The following TM2D2 variants were observed in gnomAD, a reference collection of about 807,000 sequenced individuals.
TM2D2 encodes the protein TM2 domain containing 2.
Under a neutral mutation model 23.0 loss-of-function variants are expected in TM2D2, and 19 were observed. That is an observed-to-expected ratio of 0.82 (90% CI 0.58 to 1.21). The LOEUF is 1.21. Ranked by LOEUF, TM2D2 falls within the 50% of genes most tolerant of loss-of-function variation. TM2D2 has a pLI of 0.00. For synonymous variants in TM2D2, 120 were observed against 108.8 expected (o/e 1.10, Z -0.64); for missense variants, 246 against 265.4 (o/e 0.93, Z 0.51).
At chr8:38,993,511 A>G in intron 3 of TM2D2, 34 bp downstream of exon 3, 1 of 1,514,752 alleles carries the variant, frequency 6.6e-7, no homozygotes, top group South Asian at 1.1e-5. Flanking sequence ...ACCTCCAACC[A>G]AGTACCAACT....
rs939223023 is a variant in TM2D2, at chr8:38,995,679, G to A, written c.228-274C>T. 9.0e-6 allele frequency: 12 copies of A among 1,327,084 alleles called. No homozygotes were observed. In the East Asian group the frequency reaches 3.7e-4, roughly 41 times the overall value. 82.2% of individuals were successfully genotyped at this position (1,327,084 alleles called of 1,614,324 possible). ...TGCCATGGTTTCATCTCTTCAGTAG[G>A]CAAACAACAAGATTCTGGGGGCAAA... On this transcript the variant is annotated intron_variant, in intron 1 of 3. Coordinates refer to ENST00000456397, the MANE Select transcript of TM2D2 (RefSeq NM_078473.3).
At chr8:38,991,636 T>C (rs1835604365) in intron 3 of TM2D2, 91 bp from the exon 4 acceptor site, 4 of 942,814 alleles carry the variant, frequency 4.2e-6, no homozygotes, top group Non-Finnish European at 5.0e-6. Flanking sequence ...GATGAGACAG[T>C]GCAGTGGACC....
chr8:38,993,859 T>A (rs1835677842), intron 2 of TM2D2, 199 bp from the exon 3 acceptor site: 4 of 379,570 alleles, frequency 1.1e-5, no homozygotes, highest in Non-Finnish European at 1.9e-5. Context: ...CTGTCTTAAA[T>A]AAACTCCTGC....
At chr8:38,996,705 T>A, upstream of TM2D2, 1 of 1,420,616 alleles carries the variant, frequency 7.0e-7, no homozygotes, top group Non-Finnish European at 9.2e-7. Flanking sequence ...TTGCGCCGAA[T>A]GCGTTCTCCA....
Position 38,993,567 on chromosome 8 carries a change from G to A in TM2D2, c.409C>T (p.Arg137Ter), listed in dbSNP as rs747776836. 24 of 1,613,094 alleles carry A rather than the reference G, an allele frequency of 1.5e-5. No individual in the cohort carries two copies. Among genetic ancestry groups the A allele is most frequent in the African/African-American group, 2.7e-5 (2 of 74,898 alleles). ...IECASPRTFL[R>*]ENKPCIKYTG... is the part of the protein sequence containing the mutation. ...TACTTTATACAAGGTTTATTTTCTC[G>A]TAGAAAGGTCCTAGGACTGGCACAC... Residue 137 changes from arginine to a stop codon, truncating the protein, a stop_gained, in exon 3 of 4, where the codon CGA becomes TGA. Coordinates refer to ENST00000456397, the MANE Select transcript of TM2D2 (RefSeq NM_078473.3). LOFTEE classifies it high-confidence loss of function.
rs781588443 is a variant in TM2D2, at chr8:38,995,386, A to G, written c.247T>C (p.Cys83Arg). 6.2e-7 allele frequency: 1 copy of G among 1,612,160 alleles called. No individual in the cohort carries two copies. Among genetic ancestry groups the G allele is most frequent in the Non-Finnish European group, 8.5e-7 (1 of 1,179,330 alleles). ...CCAACATGATCCACTGGGTCTTCACATTCTATAAATTCATCAGGTCTGTAA... is the reference window on the plus strand; with the variant it reads ...CCAACATGATCCACTGGGTCTTCACGTTCTATAAATTCATCAGGTCTGTAA... The part of the protein sequence containing the change: ...CSYLPDEFIE[C>R]EDPVDHVGNA... The change falls in exon 2 of 4, where the codon TGT (cysteine) becomes CGT (arginine). Residue 83 changes from cysteine (C) to arginine (R), a missense_variant. Physicochemically the swap from Cys to Arg is radical, Grantham distance 180 (BLOSUM62 -3). Transcript: ENST00000456397.
chr8:38,991,628 T>G, intron 3 of TM2D2, 83 bp from the exon 4 acceptor site: 1 of 1,066,058 alleles, frequency 9.4e-7, no homozygotes, highest in Non-Finnish European at 1.4e-6. Context: ...ACGTAAGTGA[T>G]GAGACAGTGC....
rs1186748506 is a variant in TM2D2 at position 38,989,661 on chromosome 8, T to G, written c.*1671A>C. The G allele has an allele frequency of 6.6e-6, 1 of 152,190 alleles. No individual in the cohort carries two copies. Among genetic ancestry groups the G allele is most frequent in the Admixed American group, 6.5e-5 (1 of 15,278 alleles). 9.4% of individuals were successfully genotyped at this position (152,190 alleles called of 1,614,324 possible). ...TTAAAGAAAACAACTTTTGGTAGGG[T>G]TATGAATATACTTAGGAGGTTAAAG... On this transcript the variant is annotated 3_prime_UTR_variant, in exon 4 of 4. Coordinates refer to ENST00000456397, the MANE Select transcript of TM2D2 (RefSeq NM_078473.3).
chr8:38,996,649 C>T (rs773602453), upstream of TM2D2: 22 of 1,430,730 alleles, frequency 1.5e-5, no homozygotes, highest in Non-Finnish European at 1.9e-5. Flanking sequence ...CCGCCCTCTG[C>T]TTCTGCTTCT....
chr8:38,991,461 G>A lies in TM2D2; in HGVS notation c.516C>T (p.His172=). Residue 172 remains histidine, a synonymous_variant, in exon 4 of 4, where the codon CAC becomes CAT. Coordinates refer to ENST00000456397, the MANE Select transcript of TM2D2 (RefSeq NM_078473.3). ...CFGVDRFCLG[H]TGTAVGKLLT... ...ACAGCTTCCCTACTGCAGTGCCAGT[G>A]TGTCCCAAACAGAATCGATCCACAC... The A allele has an allele frequency of 6.2e-7, 1 of 1,614,174 alleles. No individual in the cohort carries two copies. Among genetic ancestry groups the A allele is most frequent in the Non-Finnish European group, 8.5e-7 (1 of 1,180,018 alleles).
chr8:38,993,150 A>G (rs1468663819), intron 3 of TM2D2, among the ~76,000 whole-genome samples: 3 of 152,254 alleles, frequency 2.0e-5, no homozygotes, highest in African/African-American at 2.4e-5. Flanking sequence ...ACAGGCACTT[A>G]GCAAGTTAGA....
intron 1 of TM2D2, chr8:38,995,704 A>G (rs1835751539): frequency 6.9e-6 from 9 of 1,307,938 alleles, no homozygotes; most frequent in Non-Finnish European, 7.8e-6. Context: ...CTGGGGGCAA[A>G]ATTTAAGCCA....
chr8:38,993,626 G>A lies in TM2D2; in HGVS notation c.350C>T (p.Thr117Ile). Residue 117 changes from threonine (T) to isoleucine (I), a missense_variant, in exon 3 of 4, where the codon ACT becomes ATT. Physicochemically the swap from Thr to Ile is moderately conservative, Grantham distance 89 (BLOSUM62 -1). Transcript: ENST00000456397. ...GGQAYSDVEH[T>I]SVQCHALDGI... The stretch of plus-strand genomic sequence containing the variant: ...ATCTAAGGCATGGCACTGGACTGAA[G>A]TGTGTTCCACGTCGCTGTAGGCCTG... 6.2e-7 allele frequency: 1 copy of A among 1,613,962 alleles called. No homozygotes were observed. The highest frequency in any genetic ancestry group is 8.5e-7 in the Non-Finnish European group (1 of 1,179,864).
rs1384742184 is a variant in TM2D2, at chr8:38,989,265, C to G, written c.*2067G>C. ...AGTCTTTTAGCCCTTCAACCAAGCTCTTACCCCTGGCAACATAAATGACTT... is the reference window on the plus strand; with the variant it reads ...AGTCTTTTAGCCCTTCAACCAAGCTGTTACCCCTGGCAACATAAATGACTT... On this transcript the variant is annotated 3_prime_UTR_variant, in exon 4 of 4. Transcript: ENST00000456397. 6.6e-6 allele frequency: 1 copy of G among 152,216 alleles called. No homozygotes were observed. The highest frequency in any genetic ancestry group is 1.5e-5 in the Non-Finnish European group (1 of 68,050). The allele number at this position is 152,216 out of a possible 1,614,324, so 9.4% of individuals were successfully genotyped here. A position where few individuals can be genotyped will look rare whatever the true frequency, so the allele number is the denominator to read the frequency against.
chr8:38,989,166 T>C lies in TM2D2; in HGVS notation c.*2166A>G, dbSNP rs918840975. ...ATACTGATGATTCTCAAATTACCACTCTAGCAGCGAGAACAACTTCTTTTG... is the reference window on the plus strand; with the variant it reads ...ATACTGATGATTCTCAAATTACCACCCTAGCAGCGAGAACAACTTCTTTTG... On this transcript the variant is annotated 3_prime_UTR_variant, in exon 4 of 4. Transcript: ENST00000456397. The C allele has an allele frequency of 6.6e-6, 1 of 152,240 alleles. No homozygotes were observed. Among genetic ancestry groups the C allele is most frequent in the Non-Finnish European group, 1.5e-5 (1 of 68,044 alleles). The allele number at this position is 152,240 out of a possible 1,614,324, so 9.4% of individuals were successfully genotyped here.
At chr8:38,995,571 G>A in intron 1 of TM2D2, 166 bp from the exon 2 acceptor site, 1 of 1,486,704 alleles carries the variant, frequency 6.7e-7, no homozygotes, top group Non-Finnish European at 8.9e-7. Context: ...AAGCACAGCA[G>A]GTCAAACGGA....
At position 38,991,512 on chromosome 8, in the gene TM2D2, G is replaced by A. The variant is rs1835598918; in HGVS notation, c.465C>T (p.Leu155=). Residue 155 remains leucine, a synonymous_variant, in exon 4 of 4, where the codon CTC becomes CTT. Transcript: ENST00000456397. ...CAAAACATCCCAGGAAGAAGGAGTA[G>A]AGTAAAGTGGTTATGAAGTAGTGTC... ...YTGHYFITTL[L]YSFFLGCFGV... 6.2e-7 allele frequency: 1 copy of A among 1,613,954 alleles called. No homozygotes were observed. The highest frequency in any genetic ancestry group is 1.7e-5 in the Admixed American group (1 of 60,000).
Position 38,989,893 on chromosome 8 carries a change from G to C in TM2D2, c.*1439C>G, listed in dbSNP as rs1835554178. The C allele has an allele frequency of 6.6e-6, 1 of 151,792 alleles. No individual in the cohort carries two copies. Among genetic ancestry groups the C allele is most frequent in the African/African-American group, 2.4e-5 (1 of 41,302 alleles). The allele number at this position is 151,792 out of a possible 1,614,324, so 9.4% of individuals were successfully genotyped here. ...GCATAAATTGTGTAGATGAACCCAA[G>C]TTCTATGTAAATTCTGTGTATGTAG... On this transcript the variant is annotated 3_prime_UTR_variant, in exon 4 of 4. Transcript: ENST00000456397.
rs753678674 is a variant in TM2D2 at position 38,989,733 on chromosome 8, T to C, written c.*1599A>G. The stretch of plus-strand genomic sequence containing the variant: ...GTTAGGTGAAAAGTAGCATCTTATT[T>C]TGGGTAATATTATAATTTATGTTTT... On this transcript the variant is annotated 3_prime_UTR_variant, in exon 4 of 4. Coordinates refer to ENST00000456397, the MANE Select transcript of TM2D2 (RefSeq NM_078473.3). The C allele has an allele frequency of 2.6e-5, 4 of 152,212 alleles. No individual in the cohort carries two copies. The highest frequency in any genetic ancestry group is 5.9e-5 in the Non-Finnish European group (4 of 68,038). The allele number at this position is 152,212 out of a possible 1,614,324, so 9.4% of individuals were successfully genotyped here. A position where few individuals can be genotyped will look rare whatever the true frequency, so the allele number is the denominator to read the frequency against.
Sources: allele counts gnomAD v4.1 joint callset (sites outside exome capture counted in the v4.1 genomes callset), GRCh38; gene constraint gnomAD v4.1.1; transcripts MANE v1.5; gene names NCBI Gene and HGNC (gene_info 2026-07-23, HGNC 2026-07-21).